Variants in RFX3 observed in about 807,000 individuals in gnomAD.
The protein encoded by RFX3 is transcription factor RFX3.
In RFX3, 14 loss-of-function variants were observed where a neutral mutation model predicts 98.6. The ratio of observed to expected loss-of-function variants is 0.14; its 90% CI spans 0.09 to 0.22. The LOEUF (loss-of-function observed/expected upper bound fraction) is 0.22, where lower values mean the gene tolerates loss of function less well. Among genes scored for constraint, RFX3 ranks in the 10% least tolerant of loss-of-function variants. The pLI, the probability that RFX3 is intolerant of heterozygous loss-of-function variation, is 1.00. For missense variants in RFX3, 639 were observed against 926.9 expected, an observed-to-expected ratio of 0.69 and a Z score of 4.03; for synonymous variants, 383 against 328.4, an observed-to-expected ratio of 1.17 and a Z score of -1.80.
intron 3 of RFX3, among the ~76,000 whole-genome samples, chr9:3,341,383 A>C (rs1833873141): frequency 6.6e-6 from 1 of 150,890 alleles, no homozygotes; most frequent in South Asian, 2.1e-4. Context: ...GTGCACATGT[A>C]CCCTAAAACT....
At chr9:3,263,287 G>A (rs1823162391) in intron 12 of RFX3, among the ~76,000 whole-genome samples, 1 of 152,126 alleles carries the variant, frequency 6.6e-6, no homozygotes, top group Admixed American at 6.6e-5. Context: ...AGTAGGTTGA[G>A]GTCAAGACTA....
chr9:3,420,186 G>C (rs928903815), intron 1 of RFX3, among the ~76,000 whole-genome samples: 2 of 152,086 alleles, frequency 1.3e-5, no homozygotes, highest in African/African-American at 4.8e-5. Flanking sequence ...CCAGATTTTT[G>C]CACTGAAGCA....
At chr9:3,433,036 T>G (rs1473628429) in intron 1 of RFX3, among the ~76,000 whole-genome samples, 1 of 152,104 alleles carries the variant, frequency 6.6e-6, no homozygotes, top group Non-Finnish European at 1.5e-5. Context: ...ACAAAATCAC[T>G]GAATACTCAA....
intron 1 of RFX3, among the ~76,000 whole-genome samples, chr9:3,467,958 T>C (rs1006545067): frequency 6.6e-6 from 1 of 152,206 alleles, no homozygotes; most frequent in Non-Finnish European, 1.5e-5. Context: ...TCTGGGTATG[T>C]GTCATGGGAA....
chr9:3,421,182 A>C (rs917292154), intron 1 of RFX3, among the ~76,000 whole-genome samples: 6 of 152,212 alleles, frequency 3.9e-5, no homozygotes, highest in Admixed American at 2.0e-4. Flanking sequence ...ATAAGATATT[A>C]ATGAACCTCT....
intron 1 of RFX3, among the ~76,000 whole-genome samples, chr9:3,459,476 G>T (rs143555992): frequency 6.6e-6 from 1 of 152,064 alleles, no homozygotes; most frequent in Non-Finnish European, 1.5e-5. Context: ...TAAAATTGGC[G>T]CAGTTACTGG....
chr9:3,429,078 G>A (rs755185163), intron 1 of RFX3, among the ~76,000 whole-genome samples: 55 of 148,460 alleles, frequency 3.7e-4, no homozygotes, highest in South Asian at 1.7e-3. Context: ...GCTGGAGTGC[G>A]GTGGCGCGAT....
At chr9:3,328,192 G>A (rs1832147905) in intron 4 of RFX3, among the ~76,000 whole-genome samples, 1 of 152,076 alleles carries the variant, frequency 6.6e-6, no homozygotes, top group South Asian at 2.1e-4. Flanking sequence ...TTTTCCTAAG[G>A]CCTTGATAAG....
At position 3,225,030 on chromosome 9, in the gene RFX3, C is replaced by T; in HGVS notation, c.*12G>A. On this transcript the variant is annotated 3_prime_UTR_variant, in exon 17 of 17. Transcript: ENST00000617270. ...GGTTAATGTAAGCTGGAAAAATACGCTTTAATATTCTTTAGACTGCAGTGT... is the reference window on the plus strand; with the variant it reads ...GGTTAATGTAAGCTGGAAAAATACGTTTTAATATTCTTTAGACTGCAGTGT... 1.9e-6 allele frequency: 3 copies of T among 1,611,762 alleles called. 1 individual carries two copies. Among genetic ancestry groups the T allele is most frequent in the South Asian group, 2.2e-5 (2 of 90,940 alleles).
chr9:3,520,712 G>C (rs1482521190), intron 1 of RFX3, among the ~76,000 whole-genome samples: 1 of 152,190 alleles, frequency 6.6e-6, no homozygotes, highest in African/African-American at 2.4e-5. Context: ...GTCTTGCTCT[G>C]TCACCCAGGC....
intron 2 of RFX3, among the ~76,000 whole-genome samples, chr9:3,392,249 AAGAC>A (rs1229741522): frequency 6.6e-6 from 1 of 152,170 alleles, no homozygotes; most frequent in African/African-American, 2.4e-5. Flanking sequence ...TTTAACATGA[AAGAC>A]AGAGACATAG....
At chr9:3,247,255 G>GC (rs1554633558) in intron 15 of RFX3, 1 of 986,414 alleles carries the variant, frequency 1.0e-6, no homozygotes, top group Non-Finnish European at 1.2e-6. Context: ...ACCAGCCCTT[G>GC]TTATATTCAG....
At chr9:3,424,016 A>C (rs573919223) in intron 1 of RFX3, among the ~76,000 whole-genome samples, 10 of 151,316 alleles carry the variant, frequency 6.6e-5, no homozygotes, top group African/African-American at 2.4e-4. Context: ...GCGTGGTGGC[A>C]GGTGCCTGTA....
At chr9:3,332,390 G>A (rs1359760239) in intron 3 of RFX3, among the ~76,000 whole-genome samples, 2 of 152,124 alleles carry the variant, frequency 1.3e-5, no homozygotes, top group African/African-American at 4.8e-5. Flanking sequence ...CACCAAGTTA[G>A]TATATATTGA....
chr9:3,303,557 A>C (rs1453440278), intron 4 of RFX3, among the ~76,000 whole-genome samples: 1 of 151,950 alleles, frequency 6.6e-6, no homozygotes, highest in Non-Finnish European at 1.5e-5. Context: ...CCAGATACAT[A>C]ATTGCTGAGC....
At chr9:3,242,874 T>A (rs1820145128) in intron 15 of RFX3, among the ~76,000 whole-genome samples, 1 of 152,008 alleles carries the variant, frequency 6.6e-6, no homozygotes, top group Non-Finnish European at 1.5e-5. Flanking sequence ...TTCTCTTTAT[T>A]TGAAAATGGC....
chr9:3,422,690 G>C (rs980438591), intron 1 of RFX3, among the ~76,000 whole-genome samples: 2 of 152,094 alleles, frequency 1.3e-5, no homozygotes, highest in African/African-American at 4.8e-5. Flanking sequence ...AGCTTGAATG[G>C]TAAATAATAT....
chr9:3,267,622 C>T (rs139906690), intron 11 of RFX3, among the ~76,000 whole-genome samples: 8 of 151,774 alleles, frequency 5.3e-5, no homozygotes, highest in Non-Finnish European at 8.8e-5. Context: ...TCAAGCAGTG[C>T]AGATCCTTAA....
At chr9:3,247,735 A>C in intron 15 of RFX3, 2 of 1,536,564 alleles carry the variant, frequency 1.3e-6, no homozygotes, top group Non-Finnish European at 1.7e-6. Context: ...CCCACTTAAA[A>C]TATTTTTCAT....
Sources: allele counts gnomAD v4.1 joint callset (sites outside exome capture counted in the v4.1 genomes callset), GRCh38; gene constraint gnomAD v4.1.1; transcripts MANE v1.5; gene names NCBI Gene and HGNC (gene_info 2026-07-23, HGNC 2026-07-21).